Variants in DTD1 observed in about 807,000 individuals in gnomAD.
The protein encoded by DTD1 is D-tyrosyl-tRNA deacylase 1 homolog.
A neutral mutation model predicts 25.6 loss-of-function variants in DTD1; 13 were observed. The ratio of observed to expected loss-of-function variants is 0.51; its 90% confidence interval spans 0.33 to 0.81. The LOEUF is 0.81. Ranked by LOEUF, DTD1 falls within the 30% of genes least tolerant of loss-of-function variation. DTD1 has a pLI of 0.02. For missense variants in DTD1, 193 were observed against 266.4 expected (o/e 0.72, Z 1.92); for synonymous variants, 110 against 103.6 (o/e 1.06, Z -0.37).
chr20:18,688,662 A>C (rs1413451852), intron 4 of DTD1, among the ~76,000 whole-genome samples: 2 of 152,098 alleles, frequency 1.3e-5, no homozygotes, highest in Admixed American at 1.3e-4. Context: ...CCATCTTTCT[A>C]TACTAGATTG....
At chr20:18,753,607 C>A (rs866187296) in intron 5 of DTD1, among the ~76,000 whole-genome samples, 177 of 65,300 alleles carry the variant, frequency 2.7e-3, no homozygotes, top group South Asian at 4.8e-3. Context: ...AACTCTGTCT[C>A]AAAAAAAAAA....
intron 4 of DTD1, among the ~76,000 whole-genome samples, chr20:18,684,445 C>A (rs2061008987): frequency 6.6e-6 from 1 of 152,060 alleles, no homozygotes; most frequent in Admixed American, 6.5e-5. Flanking sequence ...TGCCATCATA[C>A]CCAGCTAATT....
rs530178370 is a variant in DTD1 at position 18,748,802 on chromosome 20, C to T, written c.*19+4531C>T. Among the ~76,000 whole-genome samples the T allele has an allele frequency of 3.2e-4, 49 of 152,280 alleles. No individual in the cohort carries two copies. The South Asian group carries it at 6.8e-3, about 21-fold the overall frequency. Reference sequence around the variant, plus strand: ...TAATAATGTATTTATTTCCTTCTCACGGTAGTGCAGATTAGGTAGCATAGA... The same window carrying T: ...TAATAATGTATTTATTTCCTTCTCATGGTAGTGCAGATTAGGTAGCATAGA... On this transcript the variant is annotated intron_variant, in intron 5 of 5. Transcript: ENST00000377452.
intron 4 of DTD1, among the ~76,000 whole-genome samples, chr20:18,679,844 G>A (rs1286954184): frequency 2.0e-5 from 3 of 152,214 alleles, no homozygotes; most frequent in African/African-American, 7.2e-5. Flanking sequence ...AGGAGCAGGA[G>A]CTGTTATCTC....
At chr20:18,696,515 A>G (rs1007616041) in intron 4 of DTD1, among the ~76,000 whole-genome samples, 3 of 152,126 alleles carry the variant, frequency 2.0e-5, no homozygotes, top group Non-Finnish European at 2.9e-5. Context: ...CAGAGTCTAG[A>G]AAAGGTCACT....
At chr20:18,732,422 G>A (rs967562714) in intron 4 of DTD1, among the ~76,000 whole-genome samples, 1 of 152,200 alleles carries the variant, frequency 6.6e-6, no homozygotes, top group African/African-American at 2.4e-5. Flanking sequence ...GAATCAATAG[G>A]TGCTGATTAC....
At chr20:18,713,304 G>T (rs370935669) in intron 4 of DTD1, among the ~76,000 whole-genome samples, 2 of 152,320 alleles carry the variant, frequency 1.3e-5, no homozygotes, top group African/African-American at 4.8e-5. Flanking sequence ...TTATTTTTAG[G>T]TTGCTGTTTT....
At chr20:18,753,927 TAGA>T (rs1319269365) in intron 5 of DTD1, among the ~76,000 whole-genome samples, 8 of 152,194 alleles carry the variant, frequency 5.3e-5, no homozygotes, top group Non-Finnish European at 4.4e-5. Context: ...CTAACAGTGC[TAGA>T]AGGTCAGAGT....
rs564226907 is a variant in DTD1, at chr20:18,615,339, G to T, written c.371-12788G>T. ...AATCATTGCTTTAGGGGAAAAACTA[G>T]TGAATAGTCCTGTCATATTTTCCCC... On this transcript the variant is annotated intron_variant, in intron 3 of 5. Transcript: ENST00000377452. 9.2e-5 allele frequency among the ~76,000 whole-genome samples: 14 copies of T among 152,312 alleles called. No individual in the cohort carries two copies. In the East Asian group the frequency reaches 2.7e-3, roughly 29 times the overall value.
At chr20:18,737,431 G>A (rs188518002) in intron 4 of DTD1, among the ~76,000 whole-genome samples, 10 of 152,318 alleles carry the variant, frequency 6.6e-5, no homozygotes, top group Non-Finnish European at 1.3e-4. Flanking sequence ...CCACCCAGTG[G>A]CCCCACTAGG....
At chr20:18,708,224 T>G (rs1324857845) in intron 4 of DTD1, among the ~76,000 whole-genome samples, 3 of 4,210 alleles carry the variant, frequency 7.1e-4, no homozygotes, top group Admixed American at 5.5e-3. Flanking sequence ...ATATAATATA[T>G]ATATATTTTA....
intron 4 of DTD1, among the ~76,000 whole-genome samples, chr20:18,725,926 GGCTGACACCCA>G (rs1439330839): frequency 6.6e-6 from 1 of 152,238 alleles, no homozygotes; most frequent in African/African-American, 2.4e-5. Context: ...CCAAGATGGA[GGCTGACACCCA>G]GCAGAACTGG....
At chr20:18,608,864 C>CT (rs1292294580) in intron 3 of DTD1, among the ~76,000 whole-genome samples, 1 of 152,186 alleles carries the variant, frequency 6.6e-6, no homozygotes, top group African/African-American at 2.4e-5. Flanking sequence ...TCTGTGAAGA[C>CT]TTTAAGGGCG....
intron 4 of DTD1, among the ~76,000 whole-genome samples, chr20:18,685,214 T>G (rs1285991589): frequency 2.0e-5 from 3 of 152,142 alleles, no homozygotes; most frequent in African/African-American, 7.2e-5. Context: ...AAGAGGCTTC[T>G]GGAAGGAAAG....
chr20:18,618,670 T>TAC (rs1396294369), intron 3 of DTD1, among the ~76,000 whole-genome samples: 1 of 110,822 alleles, frequency 9.0e-6, no homozygotes, highest in Non-Finnish European at 1.8e-5. Flanking sequence ...TACATAATTT[T>TAC]ATACACACAC....
At chr20:18,710,870 C>T (rs967915752) in intron 4 of DTD1, among the ~76,000 whole-genome samples, 5 of 152,118 alleles carry the variant, frequency 3.3e-5, no homozygotes, top group African/African-American at 9.7e-5. Context: ...ATCATGGGCC[C>T]GTTTTCCCTG....
chr20:18,637,573 G>A (rs1441397877), intron 4 of DTD1, among the ~76,000 whole-genome samples: 2 of 152,190 alleles, frequency 1.3e-5, no homozygotes, highest in South Asian at 4.1e-4. Context: ...GGCTTTCTGA[G>A]TACCAGACAT....
Position 18,677,649 on chromosome 20 carries a change from C to T in DTD1, c.477+49416C>T, listed in dbSNP as rs149120241. Among the ~76,000 whole-genome samples the T allele has an allele frequency of 4.6e-3, 695 of 152,194 alleles. 5 individuals are homozygous for T. Among genetic ancestry groups the T allele is most frequent in the Non-Finnish European group, 5.3e-3 (359 of 68,014 alleles). On this transcript the variant is annotated intron_variant, in intron 4 of 5. Transcript: ENST00000377452. ...ACTTTCCAGAGTGTCTAGAACCTTC[C>T]ACCGATACAGTTTTATTAAATTCCC...
chr20:18,687,534 A>C (rs1419125378), intron 4 of DTD1, among the ~76,000 whole-genome samples: 3 of 152,178 alleles, frequency 2.0e-5, no homozygotes. Context: ...TGTAAAACAT[A>C]AATAAAGGGT....
Sources: gnomAD v4.1 joint callset for allele counts (sites outside exome capture counted in the v4.1 genomes callset) on GRCh38, gnomAD v4.1.1 for gene constraint, MANE v1.5 for transcripts, NCBI Gene and HGNC (gene_info 2026-07-23, HGNC 2026-07-21) for gene names.